CNTNAP2: variants seen among roughly 807,000 people sequenced by gnomAD.
The protein encoded by CNTNAP2 is contactin associated protein 2.
A neutral mutation model predicts 155.2 loss-of-function variants in CNTNAP2; 98 were observed. The ratio of observed to expected loss-of-function variants is 0.63; its 90% CI spans 0.54 to 0.75. The LOEUF is 0.75. CNTNAP2 is among the 30% of genes least tolerant of loss of function. The probability of loss-of-function intolerance (pLI) is 0.00; values close to 1 mark genes in which losing one functional copy is unlikely to be tolerated. For missense variants in CNTNAP2, 1,727 were observed against 1,688.1 expected (o/e 1.02, Z -0.40); for synonymous variants, 651 against 631.2 (o/e 1.03, Z -0.47).
At chr7:146,140,225 A>C (rs1226512525) in intron 1 of CNTNAP2, among the ~76,000 whole-genome samples, 1 of 152,146 alleles carries the variant, frequency 6.6e-6, no homozygotes, top group East Asian at 1.9e-4. Flanking sequence ...AAAATGAGAT[A>C]TCATCCTGTG....
intron 21 of CNTNAP2, among the ~76,000 whole-genome samples, chr7:148,303,380 A>C (rs536890640): frequency 2.6e-4 from 40 of 152,312 alleles, no homozygotes; most frequent in Admixed American, 2.6e-3. Context: ...ATAGCCAGGC[A>C]GAGACGGGTA....
At chr7:146,371,504 G>A (rs1261719606) in intron 1 of CNTNAP2, among the ~76,000 whole-genome samples, 1 of 151,204 alleles carries the variant, frequency 6.6e-6, no homozygotes, top group Admixed American at 6.6e-5. Context: ...GAGTAGCTGG[G>A]ACTACAGGTA....
At chr7:147,092,018 C>A (rs781188036) in intron 4 of CNTNAP2, among the ~76,000 whole-genome samples, 10 of 152,152 alleles carry the variant, frequency 6.6e-5, no homozygotes, top group Non-Finnish European at 1.0e-4. Context: ...GGACTAGAGG[C>A]GTGAGCCACC....
At chr7:147,749,720 T>A (rs557027645) in intron 13 of CNTNAP2, among the ~76,000 whole-genome samples, 3 of 152,344 alleles carry the variant, frequency 2.0e-5, no homozygotes, top group African/African-American at 7.2e-5. Context: ...TATATGTTTT[T>A]AATTCTGCAT....
At chr7:147,694,937 C>G (rs150244836) in intron 13 of CNTNAP2, among the ~76,000 whole-genome samples, 1 of 152,010 alleles carries the variant, frequency 6.6e-6, no homozygotes, top group Non-Finnish European at 1.5e-5. Context: ...GTTTATATGG[C>G]TGATTTTAGA....
At chr7:146,755,300 T>C (rs1049131421) in intron 1 of CNTNAP2, among the ~76,000 whole-genome samples, 2 of 152,004 alleles carry the variant, frequency 1.3e-5, no homozygotes, top group Non-Finnish European at 2.9e-5. Context: ...GAAATTATAT[T>C]CTGAACAGGG....
chr7:147,595,105 A>G (rs1213545945), intron 12 of CNTNAP2, among the ~76,000 whole-genome samples: 1 of 152,132 alleles, frequency 6.6e-6, no homozygotes, highest in African/African-American at 2.4e-5. Flanking sequence ...ATGCAGAGAT[A>G]CCCAGATTGT....
At chr7:146,468,103 G>A (rs1472125945) in intron 1 of CNTNAP2, among the ~76,000 whole-genome samples, 1 of 152,032 alleles carries the variant, frequency 6.6e-6, no homozygotes, top group Admixed American at 6.6e-5. Context: ...GCAAAAGAAA[G>A]CATAATATTA....
chr7:146,597,801 AAAT>A (rs1340963499), intron 1 of CNTNAP2, among the ~76,000 whole-genome samples: 1 of 152,138 alleles, frequency 6.6e-6, no homozygotes, highest in Non-Finnish European at 1.5e-5. Context: ...GGGTACAATA[AAAT>A]AATAAACATG....
intron 13 of CNTNAP2, among the ~76,000 whole-genome samples, chr7:147,794,201 T>G (rs1407156066): frequency 6.6e-6 from 1 of 151,996 alleles, no homozygotes; most frequent in Non-Finnish European, 1.5e-5. Flanking sequence ...TAAATTGAAG[T>G]GATAAGCACA....
Position 147,342,631 on chromosome 7 carries a change from T to C in CNTNAP2, c.1498+42341T>C, listed in dbSNP as rs183346981. 3.0e-3 allele frequency among the ~76,000 whole-genome samples: 455 copies of C among 152,284 alleles called. 1 individual carries two copies. The highest frequency in any genetic ancestry group is 4.2e-3 in the Non-Finnish European group (284 of 68,028). On this transcript the variant is annotated intron_variant, in intron 9 of 23. Coordinates refer to ENST00000361727, the MANE Select transcript of CNTNAP2 (RefSeq NM_014141.6). Reference sequence around the variant, plus strand: ...TCAGTGAAACCCGTAGCAATTTCAGTTGTGCTCATCCAAGGACAAAATTAG... The same window carrying C: ...TCAGTGAAACCCGTAGCAATTTCAGCTGTGCTCATCCAAGGACAAAATTAG...
intron 9 of CNTNAP2, among the ~76,000 whole-genome samples, chr7:147,372,533 A>G (rs1796364599): frequency 1.3e-5 from 2 of 152,152 alleles, no homozygotes; most frequent in African/African-American, 4.8e-5. Flanking sequence ...ACAGAAGTCA[A>G]GAGACATAGG....
At chr7:147,368,288 C>G (rs1016359508) in intron 9 of CNTNAP2, among the ~76,000 whole-genome samples, 1 of 151,918 alleles carries the variant, frequency 6.6e-6, no homozygotes, top group Non-Finnish European at 1.5e-5. Context: ...AGCTGGTCAA[C>G]TCTCTAAGCA....
intron 21 of CNTNAP2, among the ~76,000 whole-genome samples, chr7:148,301,306 A>AATATATATATATATATAT (rs1554414673): frequency 6.6e-4 from 69 of 103,838 alleles, no homozygotes; most frequent in African/African-American, 2.4e-3. Flanking sequence ...AAAAAAAAAA[A>AATATATATATATATATAT]ATATATATAT....
chr7:146,622,366 G>T (rs544697029), intron 1 of CNTNAP2, among the ~76,000 whole-genome samples: 2 of 151,398 alleles, frequency 1.3e-5, no homozygotes, highest in Non-Finnish European at 2.9e-5. Flanking sequence ...GTTGTTGTTG[G>T]GTAATGGTAC....
intron 3 of CNTNAP2, among the ~76,000 whole-genome samples, chr7:146,901,993 A>C (rs758705984): frequency 3.4e-5 from 5 of 147,618 alleles, no homozygotes; most frequent in Non-Finnish European, 7.4e-5. Flanking sequence ...CTCCTGCCTC[A>C]GCCTCCCGCA....
intron 1 of CNTNAP2, among the ~76,000 whole-genome samples, chr7:146,170,170 G>C (rs191140176): frequency 6.6e-6 from 1 of 151,906 alleles, no homozygotes; most frequent in Non-Finnish European, 1.5e-5. Flanking sequence ...GGGATTACAG[G>C]TGTGCACCAC....
chr7:147,743,883 T>A (rs1282351137), intron 13 of CNTNAP2, among the ~76,000 whole-genome samples: 3 of 152,046 alleles, frequency 2.0e-5, no homozygotes, highest in Admixed American at 2.0e-4. Flanking sequence ...TGGAGTGGAG[T>A]GTTGGTTAGG....
intron 1 of CNTNAP2, among the ~76,000 whole-genome samples, chr7:146,448,546 A>C (rs1187498520): frequency 2.6e-5 from 4 of 151,664 alleles, no homozygotes; most frequent in African/African-American, 9.7e-5. Context: ...TTTAGGGTAC[A>C]TGTGAATATA....
Sources: gnomAD v4.1 joint callset for allele counts (sites outside exome capture counted in the v4.1 genomes callset) on GRCh38, gnomAD v4.1.1 for gene constraint, MANE v1.5 for transcripts, NCBI Gene and HGNC (gene_info 2026-07-23, HGNC 2026-07-21) for gene names.